TTC6: variants seen among roughly 807,000 people sequenced by gnomAD.
TTC6 encodes the protein tetratricopeptide repeat protein 6.
A neutral mutation model predicts 210.4 loss-of-function variants in TTC6; 172 were observed. The ratio of observed to expected loss-of-function variants is 0.82; its 90% confidence interval spans 0.72 to 0.93. TTC6 has a LOEUF of 0.93. TTC6 is among the 40% of genes least tolerant of loss of function. TTC6 has a pLI of 0.00. For synonymous variants in TTC6, 804 were observed against 819.6 expected, an observed-to-expected ratio of 0.98 and a Z score of 0.32; for missense variants, 2,414 against 2,318.1, an observed-to-expected ratio of 1.04 and a Z score of -0.85.
At chr14:37,639,364 C>T (rs966763069) in intron 1 of TTC6, among the ~76,000 whole-genome samples, 2 of 152,300 alleles carry the variant, frequency 1.3e-5, no homozygotes, top group Admixed American at 6.5e-5. Flanking sequence ...ACTTTTATTA[C>T]ACTTTTCTCT....
intron 10 of TTC6, among the ~76,000 whole-genome samples, chr14:37,745,510 T>C (rs2095933312): frequency 6.6e-6 from 1 of 152,202 alleles, no homozygotes; most frequent in South Asian, 2.1e-4. Context: ...TTACTACCAT[T>C]ATCTTCCTCA....
intron 6 of TTC6, among the ~76,000 whole-genome samples, chr14:37,722,885 G>T (rs1304646159): frequency 2.0e-5 from 3 of 152,030 alleles, no homozygotes; most frequent in African/African-American, 7.2e-5. Flanking sequence ...GAAGTGGGGG[G>T]TTATGCTCCA....
chr14:37,754,654 G>A (rs11621618), intron 14 of TTC6, among the ~76,000 whole-genome samples: 142,048 of 152,086 alleles, frequency 0.93, 67,128 homozygotes, highest in East Asian at 1. Context: ...GCTGGTCTCA[G>A]ACTTCTGACC....
chr14:37,823,288 T>A (rs2096162203), intron 26 of TTC6, among the ~76,000 whole-genome samples: 1 of 152,180 alleles, frequency 6.6e-6, no homozygotes. Context: ...GGAGATCTGA[T>A]GTAAGGACTC....
intron 29 of TTC6, among the ~76,000 whole-genome samples, chr14:37,832,329 C>CTCTTTT (rs1345548923): frequency 4.4e-5 from 3 of 68,918 alleles, no homozygotes; most frequent in African/African-American, 1.7e-4. Context: ...TTCTTTCTCT[C>CTCTTTT]TTTTTTTTTT....
chr14:37,773,496 C>A (rs1198263573), intron 14 of TTC6, among the ~76,000 whole-genome samples: 4 of 152,148 alleles, frequency 2.6e-5, no homozygotes, highest in African/African-American at 7.2e-5. Flanking sequence ...CATCCCAGCA[C>A]CATTTATTAA....
At chr14:37,613,416 A>G (rs1230336521) in intron 2 of TTC6, among the ~76,000 whole-genome samples, 1 of 152,074 alleles carries the variant, frequency 6.6e-6, no homozygotes, top group Non-Finnish European at 1.5e-5. Flanking sequence ...TGATTTTTGC[A>G]TGTATGCGCA....
intron 1 of TTC6, among the ~76,000 whole-genome samples, chr14:37,637,632 C>T (rs2095683542): frequency 6.6e-6 from 1 of 151,572 alleles, no homozygotes; most frequent in Non-Finnish European, 1.5e-5. Flanking sequence ...GAGACCGGGT[C>T]CTGAGGAAAA....
At chr14:37,724,281 A>G (rs1254082142) in intron 6 of TTC6, among the ~76,000 whole-genome samples, 1 of 152,118 alleles carries the variant, frequency 6.6e-6, no homozygotes, top group Non-Finnish European at 1.5e-5. Context: ...TTTATACTTT[A>G]CTAGATGTAT....
chr14:37,630,907 G>GTGTTTTT (rs2095668293), intron 1 of TTC6, among the ~76,000 whole-genome samples: 2 of 33,064 alleles, frequency 6.0e-5, no homozygotes. Context: ...GGCAACCCCT[G>GTGTTTTT]TTTTTTTTTT....
At chr14:37,798,457 T>G (rs1031372012) in intron 20 of TTC6, among the ~76,000 whole-genome samples, 18 of 152,080 alleles carry the variant, frequency 1.2e-4, no homozygotes, top group Non-Finnish European at 1.5e-5. Flanking sequence ...ACTTATCTAC[T>G]GGCTGACCAC....
At position 37,723,979 on chromosome 14, in the gene TTC6, G is replaced by A. The variant is rs1162554516; in HGVS notation, c.1714-919G>A. Among the ~76,000 whole-genome samples the A allele has an allele frequency of 1.3e-5, 2 of 151,828 alleles. 1 individual carries two copies. The highest frequency in any genetic ancestry group is 2.9e-5 in the Non-Finnish European group (2 of 67,962). On this transcript the variant is annotated intron_variant, in intron 6 of 30. Coordinates refer to ENST00000553443, the Ensembl canonical transcript of TTC6. ...GGTTTTTAAAAATGTATAATGTCAT[G>A]TAGCCACAATTCCAGATCATACAGA... is the stretch of plus-strand genomic sequence containing the variant.
chr14:37,786,600 T>C (rs1213605446), intron 14 of TTC6, among the ~76,000 whole-genome samples: 1 of 152,188 alleles, frequency 6.6e-6, no homozygotes, highest in Non-Finnish European at 1.5e-5. Context: ...TGGCCCTGCT[T>C]TGGCTCACTG....
chr14:37,842,640 C>A, downstream of TTC6: 1 of 157,362 alleles, frequency 6.4e-6, no homozygotes, highest in East Asian at 1.8e-4. Context: ...TGTCACTGAC[C>A]TTTTCATCAA....
chr14:37,731,882 T>G (rs1196062461), intron 7 of TTC6, among the ~76,000 whole-genome samples: 1 of 152,160 alleles, frequency 6.6e-6, no homozygotes, highest in Non-Finnish European at 1.5e-5. Context: ...CTATTTAAAA[T>G]TTACATCTAC....
chr14:37,832,912 G>A (rs961658104), intron 29 of TTC6, among the ~76,000 whole-genome samples: 7 of 152,024 alleles, frequency 4.6e-5, no homozygotes, highest in Non-Finnish European at 1.0e-4. Context: ...ACAAAAATTA[G>A]CTGTGTGTGG....
intron 24 of TTC6, 72 bp from the exon 27 acceptor site, chr14:37,812,242 A>T: frequency 6.7e-7 from 1 of 1,490,536 alleles, no homozygotes; most frequent in Non-Finnish European, 9.1e-7. Flanking sequence ...TTTGGACATA[A>T]ATACGTTTGT....
chr14:37,820,794 T>C (rs1595311260), intron 26 of TTC6, among the ~76,000 whole-genome samples: 1 of 152,190 alleles, frequency 6.6e-6, no homozygotes, highest in Admixed American at 6.5e-5. Context: ...AGAATGACTA[T>C]GATTCCTGAT....
intron 1 of TTC6, among the ~76,000 whole-genome samples, chr14:37,647,596 C>T (rs981804100): frequency 7.2e-5 from 11 of 152,124 alleles, no homozygotes; most frequent in Admixed American, 6.6e-4. Flanking sequence ...TGATTTTAGA[C>T]ATGTTAAGTT....
Sources: allele counts gnomAD v4.1 joint callset (sites outside exome capture counted in the v4.1 genomes callset), GRCh38; gene constraint gnomAD v4.1.1; transcripts MANE v1.5; gene names NCBI Gene and HGNC (gene_info 2026-07-23, HGNC 2026-07-21).